VPS13B: variants seen among roughly 807,000 people sequenced by gnomAD.
VPS13B encodes the protein intermembrane lipid transfer protein VPS13B.
VPS13B carries 285 observed loss-of-function variants against 426.4 expected under a neutral mutation model. That is an observed-to-expected ratio of 0.67 (90% CI 0.61 to 0.74). The LOEUF (loss-of-function observed/expected upper bound fraction) is 0.74. Ranked by LOEUF, VPS13B falls within the 30% of genes least tolerant of loss-of-function variation. The pLI is 0.00. For missense variants in VPS13B, 4,537 were observed against 4,782.6 expected (o/e 0.95, Z 1.51); for synonymous variants, 1,676 against 1,676.4 (o/e 1.00, Z 0.01).
intron 23 of VPS13B, among the ~76,000 whole-genome samples, chr8:99,446,586 T>G (rs1817933387): frequency 1.3e-5 from 2 of 152,176 alleles, no homozygotes; most frequent in Admixed American, 1.3e-4. Flanking sequence ...CTTTGATATT[T>G]TTTCTCTTTG....
chr8:99,098,106 C>G (rs1846524821), intron 4 of VPS13B, among the ~76,000 whole-genome samples: 2 of 152,160 alleles, frequency 1.3e-5, no homozygotes, highest in African/African-American at 2.4e-5. Context: ...GTTGTATTTA[C>G]TTCTGCCATT....
intron 20 of VPS13B, 26 bp downstream of exon 20, chr8:99,384,343 C>A (rs772860973): frequency 1.3e-6 from 2 of 1,564,102 alleles, no homozygotes; most frequent in Admixed American, 3.3e-5. Flanking sequence ...ATAATTTTTT[C>A]TGTTAACAAA....
chr8:99,115,656 T>A (rs766738538), intron 6 of VPS13B, 44 bp from the exon 7 acceptor site: 1 of 1,594,132 alleles, frequency 6.3e-7, no homozygotes. Flanking sequence ...AAATACTCTT[T>A]TTAAACATGC....
At chr8:99,080,311 A>C (rs879898493) in intron 3 of VPS13B, among the ~76,000 whole-genome samples, 10 of 151,770 alleles carry the variant, frequency 6.6e-5, no homozygotes, top group Non-Finnish European at 1.5e-4. Context: ...TTTTTGTTTC[A>C]TGTGAAATTT....
intron 16 of VPS13B, among the ~76,000 whole-genome samples, chr8:99,179,726 ATC>A (rs577445741): frequency 3.2e-4 from 48 of 152,312 alleles, no homozygotes; most frequent in African/African-American, 1.1e-3. Flanking sequence ...CATAAGAAAC[ATC>A]TCTTTTTCTG....
chr8:99,174,302 T>C (rs1812514382), intron 16 of VPS13B, among the ~76,000 whole-genome samples: 1 of 152,190 alleles, frequency 6.6e-6, no homozygotes, highest in African/African-American at 2.4e-5. Flanking sequence ...CAAATATCTG[T>C]TTGAGTCTCT....
At chr8:99,538,622 C>G (rs1209378722) in intron 30 of VPS13B, among the ~76,000 whole-genome samples, 4 of 152,116 alleles carry the variant, frequency 2.6e-5, no homozygotes, top group Non-Finnish European at 5.9e-5. Context: ...CCTTCTGTCT[C>G]TTTCAATGCT....
At chr8:99,598,369 T>C (rs1827121225) in intron 33 of VPS13B, among the ~76,000 whole-genome samples, 1 of 152,092 alleles carries the variant, frequency 6.6e-6, no homozygotes, top group African/African-American at 2.4e-5. Flanking sequence ...GTATCACCCA[T>C]TGTTTTCAGA....
At chr8:99,432,383 A>T (rs1817160212) in intron 22 of VPS13B, among the ~76,000 whole-genome samples, 1 of 152,106 alleles carries the variant, frequency 6.6e-6, no homozygotes, top group African/African-American at 2.4e-5. Context: ...CCTTGTTCCC[A>T]CCTTACTATG....
chr8:99,821,160 A>C (rs1814341523), intron 49 of VPS13B, 134 bp from the exon 50 acceptor site: 1 of 624,742 alleles, frequency 1.6e-6, no homozygotes, highest in Non-Finnish European at 2.7e-6. Context: ...ACACACACAC[A>C]CACACACCAT....
At position 99,868,338 on chromosome 8, in the gene VPS13B, A is replaced by G. The variant is rs1476200827; in HGVS notation, c.11265A>G (p.Thr3755=). The G allele has an allele frequency of 6.2e-7, 1 of 1,614,186 alleles. No homozygotes were observed. Among genetic ancestry groups the G allele is most frequent in the South Asian group, 1.1e-5 (1 of 91,070 alleles). ...VDQPMQNFQK[T]SEAQASAGHK... is the part of the protein sequence containing the mutation. The stretch of plus-strand genomic sequence containing the variant: ...AGCCGATGCAGAACTTCCAGAAAAC[A>G]TCTGAGGCACAGGCTTCAGCAGGAC... The change falls in exon 59 of 62, where the codon ACA becomes ACG. Residue 3755 remains threonine (T), a synonymous_variant. Transcript: ENST00000357162.
chr8:99,559,639 C>G (rs1181542251), intron 31 of VPS13B, among the ~76,000 whole-genome samples: 24 of 152,170 alleles, frequency 1.6e-4, no homozygotes, highest in Admixed American at 1.6e-3. Flanking sequence ...AGCCAGTTTT[C>G]CCAGCACCAT....
At chr8:99,574,736 T>C (rs1448299761) in intron 31 of VPS13B, among the ~76,000 whole-genome samples, 2 of 152,240 alleles carry the variant, frequency 1.3e-5, no homozygotes, top group African/African-American at 4.8e-5. Context: ...GGTCCAATTC[T>C]GGAACCTTTG....
At chr8:99,656,037 A>G (rs1830007238) in intron 34 of VPS13B, among the ~76,000 whole-genome samples, 1 of 152,218 alleles carries the variant, frequency 6.6e-6, no homozygotes, top group Non-Finnish European at 1.5e-5. Flanking sequence ...GTCTTGATTC[A>G]TCTGGGAACT....
At chr8:99,834,539 A>ATTTTTT (rs66695321) in intron 52 of VPS13B, among the ~76,000 whole-genome samples, 1 of 145,078 alleles carries the variant, frequency 6.9e-6, no homozygotes, top group Non-Finnish European at 1.5e-5. Context: ...TCTTATTTTT[A>ATTTTTT]TTTTTTATTT....
chr8:99,191,822 G>A (rs1487438802), intron 16 of VPS13B, among the ~76,000 whole-genome samples: 1 of 152,140 alleles, frequency 6.6e-6, no homozygotes, highest in Admixed American at 6.5e-5. Context: ...GTTTGCTGGT[G>A]TCTCATGCTG....
intron 29 of VPS13B, among the ~76,000 whole-genome samples, chr8:99,520,450 G>A (rs1822320721): frequency 6.9e-6 from 1 of 145,892 alleles, no homozygotes; most frequent in South Asian, 2.2e-4. Flanking sequence ...TTATTATTTA[G>A]CATGTAAATT....
intron 43 of VPS13B, among the ~76,000 whole-genome samples, chr8:99,786,155 T>C (rs1278115124): frequency 6.6e-6 from 1 of 151,976 alleles, no homozygotes; most frequent in Admixed American, 6.6e-5. Context: ...GACATACAGT[T>C]TCTGGGTGGA....
intron 33 of VPS13B, among the ~76,000 whole-genome samples, chr8:99,618,621 A>G (rs1315838930): frequency 1.3e-5 from 2 of 152,198 alleles, no homozygotes; most frequent in African/African-American, 2.4e-5. Context: ...TCCGTGAGCA[A>G]CCTCAGAAAA....
Sources: allele counts gnomAD v4.1 joint callset (sites outside exome capture counted in the v4.1 genomes callset), GRCh38; gene constraint gnomAD v4.1.1; transcripts MANE v1.5; gene names NCBI Gene and HGNC (gene_info 2026-07-23, HGNC 2026-07-21).